Variants in G3BP1 observed in about 807,000 individuals in gnomAD.
G3BP1 encodes G3BP stress granule assembly factor 1.
Under a neutral mutation model 58.6 loss-of-function variants are expected in G3BP1, and 35 were observed. That is an observed-to-expected ratio of 0.60 (90% confidence interval 0.46 to 0.79). The LOEUF is 0.79. Ranked by LOEUF, G3BP1 falls within the 30% of genes least tolerant of loss-of-function variation. G3BP1 has a pLI of 0.00. For missense variants in G3BP1, 523 were observed against 580.8 expected, an observed-to-expected ratio of 0.90 and a Z score of 1.02; for synonymous variants, 191 against 195.4, an observed-to-expected ratio of 0.98 and a Z score of 0.19.
At chr5:151,773,935 A>T (rs1353024757) in intron 1 of G3BP1, among the ~76,000 whole-genome samples, 1 of 152,148 alleles carries the variant, frequency 6.6e-6, no homozygotes, top group Non-Finnish European at 1.5e-5. Context: ...TTGAGGGAAA[A>T]TTTCGTTAGT....
intron 1 of G3BP1, among the ~76,000 whole-genome samples, chr5:151,778,549 C>T (rs1168932584): frequency 1.3e-5 from 2 of 152,008 alleles, no homozygotes; most frequent in East Asian, 3.9e-4. Context: ...TTAGGTGATT[C>T]TCCTGTCTCA....
chr5:151,775,505 G>GA (rs1762353620), intron 1 of G3BP1, among the ~76,000 whole-genome samples: 1 of 152,232 alleles, frequency 6.6e-6, no homozygotes, highest in African/African-American at 2.4e-5. Context: ...TTCCTTAATT[G>GA]AAAAATCTTA....
intron 6 of G3BP1, among the ~76,000 whole-genome samples, chr5:151,796,552 G>T (rs563440678): frequency 1.3e-4 from 20 of 152,236 alleles, no homozygotes; most frequent in Admixed American, 4.6e-4. Context: ...ACAGGTGTGT[G>T]CCCAGCCCCC....
chr5:151,806,986 CTGT>C lies in G3BP1; in HGVS notation c.*2897_*2899del. The C allele has an allele frequency of 6.6e-6, 1 of 152,102 alleles. No individual in the cohort carries two copies. Among genetic ancestry groups the C allele is most frequent in the Admixed American group, 6.5e-5 (1 of 15,276 alleles). 9.4% of individuals were successfully genotyped at this position (152,102 alleles called of 1,614,324 possible). Reference sequence around the variant, plus strand: ...TCAGTGGGTCTTAGTTTTTTAAGACCTGTTAATTTGTAATTAGACATCTTGGGC... The same window carrying C: ...TCAGTGGGTCTTAGTTTTTTAAGACCTAATTTGTAATTAGACATCTTGGGC... On this transcript the variant is annotated 3_prime_UTR_variant, in exon 12 of 12. Coordinates refer to ENST00000356245, the MANE Select transcript of G3BP1 (RefSeq NM_005754.3).
chr5:151,773,086 G>T (rs1220680028), intron 1 of G3BP1, among the ~76,000 whole-genome samples: 1 of 152,272 alleles, frequency 6.6e-6, no homozygotes, highest in East Asian at 1.9e-4. Flanking sequence ...TCCTCATCGG[G>T]TTTGAATCTC....
intron 4 of G3BP1, among the ~76,000 whole-genome samples, chr5:151,792,580 A>G (rs1368700453): frequency 1.3e-5 from 2 of 152,256 alleles, no homozygotes; most frequent in South Asian, 2.1e-4. Context: ...TAATACAGAG[A>G]GTATTGAGGT....
intron 4 of G3BP1, among the ~76,000 whole-genome samples, chr5:151,793,790 A>G (rs947259115): frequency 6.7e-6 from 1 of 149,806 alleles, no homozygotes; most frequent in African/African-American, 2.5e-5. Flanking sequence ...CCCAGGAATT[A>G]AAGACCAATC....
At position 151,808,418 on chromosome 5, in the gene G3BP1, A is replaced by C. The variant is rs1762968039; in HGVS notation, c.*4327A>C. On this transcript the variant is annotated 3_prime_UTR_variant, in exon 12 of 12. Transcript: ENST00000356245. ...TACAGATTACCTAAAACCCTTAACC[A>C]GTTTTGGTTTTTGATTATGCATATG... 6.6e-6 allele frequency: 1 copy of C among 152,132 alleles called. No individual in the cohort carries two copies. The highest frequency in any genetic ancestry group is 2.4e-5 in the African/African-American group (1 of 41,420). The allele number at this position is 152,132 out of a possible 1,614,324, so 9.4% of individuals were successfully genotyped here. A position where few individuals can be genotyped will look rare whatever the true frequency, so the allele number is the denominator to read the frequency against.
chr5:151,800,735 A>T (rs1283573405), intron 10 of G3BP1, 25 bp from the exon 11 acceptor site: 1 of 1,337,360 alleles, frequency 7.5e-7, no homozygotes, highest in Non-Finnish European at 1.1e-6. Context: ...CTAAGTAGTT[A>T]TCTGAGAATG....
At chr5:151,794,623 C>T (rs1486788880) in intron 5 of G3BP1, among the ~76,000 whole-genome samples, 1 of 152,214 alleles carries the variant, frequency 6.6e-6, no homozygotes, top group Non-Finnish European at 1.5e-5. Flanking sequence ...TCTATTACAA[C>T]AGGCAGTAAA....
rs781078545 is a variant in G3BP1, at chr5:151,799,893, G to A, written c.848G>A (p.Arg283His). Residue 283 changes from arginine to histidine, a missense_variant, in exon 9 of 12, where the codon CGT (arginine) becomes CAT (histidine). Arg to His is a conservative substitution (Grantham distance 29, BLOSUM62 0). Transcript: ENST00000356245. Reference protein sequence around the residue: ...HVVKVPASQPRPESKPESQIP... With the variant: ...HVVKVPASQPHPESKPESQIP... The stretch of plus-strand genomic sequence containing the variant: ...AGTTAACTTAAAATTTTTCAGCCCC[G>A]TCCAGAGTCTAAGCCTGAATCTCAG... The A allele has an allele frequency of 1.3e-5, 20 of 1,599,634 alleles. No homozygotes were observed. Among genetic ancestry groups the A allele is most frequent in the Admixed American group, 1.7e-5 (1 of 59,460 alleles).
At chr5:151,791,997 CTCTA>C (rs1762666980) in intron 4 of G3BP1, 4 of 422,914 alleles carry the variant, frequency 9.5e-6, no homozygotes, top group Non-Finnish European at 1.4e-5. Flanking sequence ...ATGGGAGATT[CTCTA>C]TCTTTTTATC....
chr5:151,798,000 A>G (rs1224213296), intron 7 of G3BP1, among the ~76,000 whole-genome samples: 2 of 152,212 alleles, frequency 1.3e-5, no homozygotes, highest in Admixed American at 1.3e-4. Flanking sequence ...GGAAAGGAAT[A>G]TAATTTTTAG....
At position 151,804,102 on chromosome 5, in the gene G3BP1, ATCT is replaced by A; in HGVS notation, c.*14_*16del. 1.9e-6 allele frequency: 3 copies of A among 1,568,074 alleles called. No individual in the cohort carries two copies. The highest frequency in any genetic ancestry group is 2.6e-6 in the Non-Finnish European group (3 of 1,150,200). On this transcript the variant is annotated 3_prime_UTR_variant, in exon 12 of 12. Coordinates refer to ENST00000356245, the MANE Select transcript of G3BP1 (RefSeq NM_005754.3). The stretch of plus-strand genomic sequence containing the variant: ...GCGCCACGGCAGTGAATCTTCATGG[ATCT>A]TCATGCAGCCATACAAACCCTGGTT...
At chr5:151,794,454 A>G (rs191105804) in intron 5 of G3BP1, among the ~76,000 whole-genome samples, 1 of 152,356 alleles carries the variant, frequency 6.6e-6, no homozygotes, top group Admixed American at 6.5e-5. Flanking sequence ...AGTAGAAGAC[A>G]TAAGACTCTT....
intron 1 of G3BP1, among the ~76,000 whole-genome samples, chr5:151,775,594 A>G (rs990407773): frequency 5.9e-5 from 9 of 152,364 alleles, no homozygotes; most frequent in Admixed American, 4.6e-4. Context: ...GTTTATGCAA[A>G]GCCATAGGCT....
intron 1 of G3BP1, among the ~76,000 whole-genome samples, chr5:151,783,695 A>G (rs1303754453): frequency 6.6e-6 from 1 of 151,288 alleles, no homozygotes; most frequent in African/African-American, 2.4e-5. Context: ...TTTTTTTTTA[A>G]CTGAGAATAA....
intron 8 of G3BP1, among the ~76,000 whole-genome samples, chr5:151,799,575 C>T (rs1762814985): frequency 6.6e-6 from 1 of 151,894 alleles, no homozygotes; most frequent in African/African-American, 2.4e-5. Flanking sequence ...GTCCTAGCTA[C>T]TTAGGAAGCT....
chr5:151,784,459 C>G (rs1762524921), intron 1 of G3BP1, among the ~76,000 whole-genome samples: 2 of 152,112 alleles, frequency 1.3e-5, no homozygotes, highest in Non-Finnish European at 2.9e-5. Flanking sequence ...AACCTCTTCC[C>G]TTTGTGTGAG....
Sources: allele counts gnomAD v4.1 joint callset (sites outside exome capture counted in the v4.1 genomes callset), GRCh38; gene constraint gnomAD v4.1.1; transcripts MANE v1.5; gene names NCBI Gene and HGNC (gene_info 2026-07-23, HGNC 2026-07-21).